SUGCT: variants seen among roughly 807,000 people sequenced by gnomAD.
SUGCT encodes succinyl-CoA:glutarate-CoA transferase, also known as succinyl-CoA:glutarate CoA-transferase.
A neutral mutation model predicts 55.0 loss-of-function variants in SUGCT; 41 were observed. The observed-to-expected ratio is 0.74, with a 90% confidence interval of 0.58 to 0.97. The LOEUF (loss-of-function observed/expected upper bound fraction) is 0.97, where lower values mean the gene tolerates loss of function less well. Among genes scored for constraint, SUGCT ranks in the 50% least tolerant of loss-of-function variants. The pLI is 0.00. For missense variants in SUGCT, 568 were observed against 547.8 expected, an observed-to-expected ratio of 1.04 and a Z score of -0.37; for synonymous variants, 187 against 200.4, an observed-to-expected ratio of 0.93 and a Z score of 0.56.
At chr7:41,002,469 C>T in the SUGCT span, among the ~76,000 whole-genome samples, 1 of 152,064 alleles carries the variant, frequency 6.6e-6, no homozygotes, top group Admixed American at 6.6e-5. Context: ...GTGAGAGTTG[C>T]AAGGATGTAG....
intron 12 of SUGCT, among the ~76,000 whole-genome samples, chr7:40,530,993 A>G (rs541972003): frequency 6.6e-6 from 1 of 152,328 alleles, no homozygotes; most frequent in South Asian, 2.1e-4. Context: ...TAAAATTTGT[A>G]TAAGTTTATC....
chr7:40,297,979 T>G (rs945407337), intron 8 of SUGCT, among the ~76,000 whole-genome samples: 5 of 152,092 alleles, frequency 3.3e-5, no homozygotes, highest in African/African-American at 7.2e-5. Flanking sequence ...CCTTTTTTTT[T>G]GTCTCATGTA....
At chr7:40,226,541 A>G (rs1194489971) in intron 6 of SUGCT, among the ~76,000 whole-genome samples, 1 of 152,194 alleles carries the variant, frequency 6.6e-6, no homozygotes, top group Non-Finnish European at 1.5e-5. Flanking sequence ...TAACTCTATA[A>G]AAGTAAAAAG....
At chr7:40,359,519 G>A (rs1232827324) in intron 9 of SUGCT, among the ~76,000 whole-genome samples, 2 of 152,022 alleles carry the variant, frequency 1.3e-5, no homozygotes, top group Non-Finnish European at 2.9e-5. Context: ...CTGTCATTTA[G>A]TACAGTAAGA....
At chr7:40,813,680 C>T (rs1005017464) in intron 13 of SUGCT, among the ~76,000 whole-genome samples, 1 of 152,074 alleles carries the variant, frequency 6.6e-6, no homozygotes, top group African/African-American at 2.4e-5. Context: ...CAACTTGCCA[C>T]TCTTTGCCTT....
chr7:40,216,299 C>T (rs1052138275), intron 6 of SUGCT, among the ~76,000 whole-genome samples: 1 of 151,630 alleles, frequency 6.6e-6, no homozygotes, highest in African/African-American at 2.4e-5. Context: ...GTCAGGAGTT[C>T]AAGACCAGCC....
chr7:40,969,841 A>T, the SUGCT span, among the ~76,000 whole-genome samples: 1 of 152,238 alleles, frequency 6.6e-6, no homozygotes, highest in Non-Finnish European at 1.5e-5. Flanking sequence ...GAAAAGGTTT[A>T]AAGTATCTCT....
At chr7:40,385,009 TTAAAA>T (rs1218655750) in intron 9 of SUGCT, among the ~76,000 whole-genome samples, 1 of 152,076 alleles carries the variant, frequency 6.6e-6, no homozygotes, top group Non-Finnish European at 1.5e-5. Flanking sequence ...AAACAAGTAA[TTAAAA>T]TAAAATGTGA....
At chr7:40,939,263 T>C in the SUGCT span, among the ~76,000 whole-genome samples, 1 of 150,864 alleles carries the variant, frequency 6.6e-6, no homozygotes, top group Non-Finnish European at 1.5e-5. Flanking sequence ...TTGAGACTTA[T>C]TGACTACCAC....
chr7:41,014,010 A>G, the SUGCT span, among the ~76,000 whole-genome samples: 350 of 152,316 alleles, frequency 2.3e-3, 2 homozygotes, highest in African/African-American at 7.9e-3. Flanking sequence ...ATTTGGTGAC[A>G]GTGAGTCTAT....
intron 12 of SUGCT, among the ~76,000 whole-genome samples, chr7:40,613,733 C>G (rs1160537513): frequency 6.6e-6 from 1 of 152,170 alleles, no homozygotes; most frequent in Non-Finnish European, 1.5e-5. Flanking sequence ...GCCCCAGCCT[C>G]CCAAGTAGCT....
intron 10 of SUGCT, 120 bp downstream of exon 10, chr7:40,449,478 C>T: frequency 1.4e-6 from 1 of 707,426 alleles, no homozygotes; most frequent in Non-Finnish European, 2.6e-6. Context: ...ATAGGATATT[C>T]ATGCGCATAA....
chr7:40,584,190 T>C (rs1322059731), intron 12 of SUGCT, among the ~76,000 whole-genome samples: 1 of 152,214 alleles, frequency 6.6e-6, no homozygotes, highest in Non-Finnish European at 1.5e-5. Flanking sequence ...GTGTGTATTA[T>C]TCGAGAGAGG....
chr7:40,573,089 A>T lies in SUGCT; in HGVS notation c.1089+76703A>T, dbSNP rs187198528. Among the ~76,000 whole-genome samples, 565 of 152,276 alleles carry T rather than the reference A, an allele frequency of 3.7e-3. 5 individuals are homozygous for T. Among genetic ancestry groups the T allele is most frequent in the African/African-American group, 0.012 (513 of 41,542 alleles). ...GAGCTGTGACCTCTCAAAACTGCTT[A>T]CTCAGCCTTTCTTAATACCAGAGCA... On this transcript the variant is annotated intron_variant, in intron 12 of 13. Coordinates refer to ENST00000335693, the MANE Select transcript of SUGCT (RefSeq NM_001193313.2).
chr7:40,775,928 A>C (rs1398246127), intron 13 of SUGCT, among the ~76,000 whole-genome samples: 1 of 152,070 alleles, frequency 6.6e-6, no homozygotes, highest in African/African-American at 2.4e-5. Flanking sequence ...CTTTTTCCAA[A>C]GTTTGTGTTC....
At chr7:40,215,224 C>G (rs1787557458) in intron 6 of SUGCT, among the ~76,000 whole-genome samples, 1 of 152,246 alleles carries the variant, frequency 6.6e-6, no homozygotes, top group African/African-American at 2.4e-5. Flanking sequence ...CTCACTGCAG[C>G]CTTGAGCTCC....
intron 12 of SUGCT, among the ~76,000 whole-genome samples, chr7:40,609,615 A>G (rs1035612236): frequency 2.6e-4 from 39 of 152,104 alleles, no homozygotes; most frequent in African/African-American, 8.7e-4. Flanking sequence ...CTGTTTCTTA[A>G]CTTTTGTTTA....
chr7:40,384,612 A>G (rs1326048232), intron 9 of SUGCT, among the ~76,000 whole-genome samples: 4 of 151,434 alleles, frequency 2.6e-5, no homozygotes, highest in Non-Finnish European at 4.4e-5. Context: ...GTGCAGTAGC[A>G]TGATCTTGGC....
intron 8 of SUGCT, among the ~76,000 whole-genome samples, chr7:40,282,758 T>C (rs974912508): frequency 1.3e-5 from 2 of 151,788 alleles, no homozygotes; most frequent in African/African-American, 4.8e-5. Context: ...GTCACAACCA[T>C]GTGAGGCTGA....
Sources: gnomAD v4.1 joint callset for allele counts (sites outside exome capture counted in the v4.1 genomes callset) on GRCh38, gnomAD v4.1.1 for gene constraint, MANE v1.5 for transcripts, NCBI Gene and HGNC (gene_info 2026-07-23, HGNC 2026-07-21) for gene names.